The following SLC14A2 variants were observed in gnomAD, a reference collection of about 807,000 sequenced individuals.
SLC14A2 encodes the protein solute carrier family 14 member 2, also known as urea transporter 2.
In SLC14A2, 91 loss-of-function variants were observed where a neutral mutation model predicts 104.6. The ratio of observed to expected loss-of-function variants is 0.87; its 90% CI spans 0.73 to 1.04. SLC14A2 has a LOEUF of 1.04. Ranked by LOEUF, SLC14A2 falls within the 50% of genes least tolerant of loss-of-function variation. SLC14A2 has a pLI of 0.00. For missense variants in SLC14A2, 1,189 were observed against 1,156.0 expected, an observed-to-expected ratio of 1.03 and a Z score of -0.41; for synonymous variants, 476 against 466.4, an observed-to-expected ratio of 1.02 and a Z score of -0.27.
At chr18:45,503,420 C>G (rs1021010174) in intron 2 of SLC14A2, among the ~76,000 whole-genome samples, 1 of 152,196 alleles carries the variant, frequency 6.6e-6, no homozygotes, top group Admixed American at 6.5e-5. Context: ...CTAGCCAATG[C>G]TTAACAAATC....
upstream of SLC14A2, among the ~76,000 whole-genome samples, chr18:45,209,509 C>G (rs559349110): frequency 1.6e-3 from 246 of 151,140 alleles, 1 homozygote; most frequent in African/African-American, 5.7e-3. Context: ...GCTGCATTTT[C>G]TGAACATTTT....
Position 45,668,352 on chromosome 18 carries a change from G to C in SLC14A2, c.1911G>C (p.Ser637=). ...CTGACCCTCCCTCTCCTGCCAGGTCGGCCATCGCTGCAGGATTTCACGGCT... is the reference window on the plus strand; with the variant it reads ...CTGACCCTCCCTCTCCTGCCAGGTCCGCCATCGCTGCAGGATTTCACGGCT... ...LTALILSQDK[S]AIAAGFHGYN... The change falls in exon 15 of 20, where the codon TCG becomes TCC. Residue 637 remains serine (S), a synonymous_variant. Transcript: ENST00000255226. 1 of 1,613,956 alleles carries C rather than the reference G, an allele frequency of 6.2e-7. No homozygotes were observed.
intron 1 of SLC14A2, among the ~76,000 whole-genome samples, chr18:45,264,678 T>G (rs2084573916): frequency 6.6e-6 from 1 of 152,062 alleles, no homozygotes; most frequent in Non-Finnish European, 1.5e-5. Context: ...CCTTATAAAA[T>G]CAACAGATCT....
chr18:45,607,275 C>G lies in SLC14A2; in HGVS notation c.-34-17356C>G, dbSNP rs150557007. 3.3e-5 allele frequency among the ~76,000 whole-genome samples: 5 copies of G among 152,262 alleles called. No individual in the cohort carries two copies. The East Asian group carries it at 9.6e-4, about 29-fold the overall frequency. On this transcript the variant is annotated intron_variant, in intron 2 of 20. Coordinates refer to the SLC14A2 transcript ENST00000586448. ...CTAGAGATATTTATGCCCCATAAGA[C>G]TCAACCAATAGGAAACTAACTTCCT...
intron 2 of SLC14A2, among the ~76,000 whole-genome samples, chr18:45,566,372 G>A (rs2044266160): frequency 6.6e-6 from 1 of 152,198 alleles, no homozygotes; most frequent in Non-Finnish European, 1.5e-5. Flanking sequence ...ATGGAAGAAA[G>A]TAGGGAGAAT....
At chr18:45,250,808 G>T (rs1247083772) in intron 1 of SLC14A2, among the ~76,000 whole-genome samples, 2 of 142,052 alleles carry the variant, frequency 1.4e-5, no homozygotes, top group Non-Finnish European at 3.0e-5. Context: ...GAGAAAGAAG[G>T]TTATCTTTAT....
rs374138014 is a variant in SLC14A2, at chr18:45,668,491, T to A, written c.2036+14T>A. 1 of 1,614,010 alleles carries A rather than the reference T, an allele frequency of 6.2e-7. No individual in the cohort carries two copies. The highest frequency in any genetic ancestry group is 1.3e-5 in the African/African-American group (1 of 74,904). ...GTCCATGTCTTGGTAAGTTTGCTTT[T>A]GAAGGGTTGTGGGTTCATATCAATG... On this transcript the variant is annotated intron_variant, in intron 15 of 19. Coordinates refer to ENST00000255226, the MANE Select transcript of SLC14A2 (RefSeq NM_007163.4).
At chr18:45,670,950 A>G (rs2046123194) in intron 16 of SLC14A2, among the ~76,000 whole-genome samples, 2 of 152,214 alleles carry the variant, frequency 1.3e-5, no homozygotes, top group African/African-American at 4.8e-5. Flanking sequence ...GGCGTGGACC[A>G]TTACACCTGG....
chr18:45,584,716 CAGCTCT>C (rs972028845), intron 2 of SLC14A2, among the ~76,000 whole-genome samples: 1 of 152,154 alleles, frequency 6.6e-6, no homozygotes, highest in African/African-American at 2.4e-5. Flanking sequence ...TCGTAGAACC[CAGCTCT>C]AGCTCTGTGT....
Position 45,382,696 on chromosome 18 carries a change from G to A in SLC14A2, c.-124-100537G>A, listed in dbSNP as rs904491002. Among the ~76,000 whole-genome samples the A allele has an allele frequency of 3.3e-5, 5 of 152,222 alleles. No individual in the cohort carries two copies. The East Asian group carries it at 5.8e-4, about 18-fold the overall frequency. The stretch of plus-strand genomic sequence containing the variant: ...GCTGAATCTCTCTATAAAGAACTTA[G>A]AAAACTTCTAGACACTTGGTAGGCA... On this transcript the variant is annotated intron_variant, in intron 1 of 20. Coordinates refer to the SLC14A2 transcript ENST00000586448.
At chr18:45,417,037 ATAAT>A (rs1031384433) in intron 1 of SLC14A2, among the ~76,000 whole-genome samples, 34 of 152,200 alleles carry the variant, frequency 2.2e-4, no homozygotes, top group Non-Finnish European at 5.9e-5. Flanking sequence ...TAGAAAGAAA[ATAAT>A]TACATCACAA....
intron 2 of SLC14A2, among the ~76,000 whole-genome samples, chr18:45,520,591 T>C (rs2043503956): frequency 6.6e-6 from 1 of 152,208 alleles, no homozygotes; most frequent in Admixed American, 6.5e-5. Flanking sequence ...TCAAATGAGC[T>C]AGATCTTTAT....
At chr18:45,551,614 G>GT (rs2044057603) in intron 2 of SLC14A2, among the ~76,000 whole-genome samples, 1 of 152,212 alleles carries the variant, frequency 6.6e-6, no homozygotes, top group South Asian at 2.1e-4. Context: ...GGGCTATCAA[G>GT]TAGGGAGGCT....
intron 1 of SLC14A2, among the ~76,000 whole-genome samples, chr18:45,220,853 G>A (rs553851343): frequency 2.4e-4 from 36 of 152,302 alleles, no homozygotes; most frequent in Non-Finnish European, 2.4e-4. Context: ...GGCAAAATTG[G>A]TTTCTCCTGA....
At chr18:45,545,282 C>T (rs1357853400) in intron 2 of SLC14A2, among the ~76,000 whole-genome samples, 1 of 152,182 alleles carries the variant, frequency 6.6e-6, no homozygotes, top group African/African-American at 2.4e-5. Flanking sequence ...AACAGCACAT[C>T]CCCATCGGGC....
intron 1 of SLC14A2, among the ~76,000 whole-genome samples, chr18:45,455,385 A>G (rs1461390791): frequency 6.6e-6 from 1 of 152,070 alleles, no homozygotes; most frequent in Admixed American, 6.6e-5. Flanking sequence ...CTCAGCAAAC[A>G]ACACAGGAAC....
intron 1 of SLC14A2, among the ~76,000 whole-genome samples, chr18:45,379,513 G>A (rs4441363): frequency 2.0e-5 from 3 of 152,016 alleles, no homozygotes; most frequent in Non-Finnish European, 4.4e-5. Flanking sequence ...CCACCCTTCC[G>A]AGTCATTACT....
In SLC14A2 at chr18:45,683,365, C is replaced by T. The variant is rs2046342019; in HGVS notation, c.*846C>T. ...TTCCACCTCAGAAGTGTTGATTATT[C>T]TCTCTCTCCTATAATCTGATGAAAT... On this transcript the variant is annotated 3_prime_UTR_variant, in exon 20 of 20. Coordinates refer to ENST00000255226, the MANE Select transcript of SLC14A2 (RefSeq NM_007163.4). 6.6e-6 allele frequency: 1 copy of T among 152,138 alleles called. No homozygotes were observed. The highest frequency in any genetic ancestry group is 1.5e-5 in the Non-Finnish European group (1 of 68,036). 9.4% of individuals were successfully genotyped at this position (152,138 alleles called of 1,614,324 possible).
chr18:45,322,674 C>T (rs1399164727), intron 1 of SLC14A2, among the ~76,000 whole-genome samples: 1 of 152,184 alleles, frequency 6.6e-6, no homozygotes, highest in Admixed American at 6.5e-5. Flanking sequence ...TTGTGTTGAA[C>T]TCTCATGAGG....
Sources: gnomAD v4.1 joint callset for allele counts (sites outside exome capture counted in the v4.1 genomes callset) on GRCh38, gnomAD v4.1.1 for gene constraint, MANE v1.5 for transcripts, NCBI Gene and HGNC (gene_info 2026-07-23, HGNC 2026-07-21) for gene names.